Variants in ARHGAP6 observed in about 807,000 individuals in gnomAD.
ARHGAP6 encodes the protein rho GTPase-activating protein 6.
ARHGAP6 carries 16 observed loss-of-function variants against 55.7 expected under a neutral mutation model. That is an observed-to-expected ratio of 0.29 (90% CI 0.19 to 0.44). The LOEUF is 0.44. Among genes scored for constraint, ARHGAP6 ranks in the 20% least tolerant of loss-of-function variants. The probability of loss-of-function intolerance (pLI) is 1.00; values close to 1 mark genes in which losing one functional copy is unlikely to be tolerated. For missense variants in ARHGAP6, 698 were observed against 808.9 expected (o/e 0.86, Z 1.66); for synonymous variants, 382 against 360.9 (o/e 1.06, Z -0.66).
intron 1 of ARHGAP6, among the ~76,000 whole-genome samples, chrX:11,511,694 T>G (rs768471639): frequency 1.9e-4 from 21 of 111,808 alleles, no homozygotes; most frequent in East Asian, 5.6e-4. Context: ...CCTGGCTCAC[T>G]CTGCTGGTGG....
At chrX:11,395,323 A>G (rs1421304218) in intron 1 of ARHGAP6, among the ~76,000 whole-genome samples, 1 of 112,124 alleles carries the variant, frequency 8.9e-6, no homozygotes, top group Non-Finnish European at 1.9e-5. Context: ...AAATTTTTCT[A>G]TTACACCCTG....
intron 1 of ARHGAP6, among the ~76,000 whole-genome samples, chrX:11,446,607 G>A (rs61295215): frequency 0.12 from 13,571 of 110,721 alleles, 782 homozygotes; most frequent in Admixed American, 0.21. Context: ...CTACCAACGT[G>A]CACACATTTA....
At chrX:11,335,602 TTCTTTATCCAG>T (rs2048624851) in intron 1 of ARHGAP6, 1 of 215,356 alleles carries the variant, frequency 4.6e-6, no homozygotes, top group Admixed American at 5.2e-5. Context: ...GTGCCACATT[TTCTTTATCCAG>T]TCTATTATTG....
At chrX:11,387,809 T>G (rs2049349096) in intron 1 of ARHGAP6, among the ~76,000 whole-genome samples, 1 of 111,076 alleles carries the variant, frequency 9.0e-6, no homozygotes, top group Middle Eastern at 4.2e-3. Context: ...CGGTGTTTGG[T>G]TTTTTGTCCT....
At position 11,624,256 on chromosome X, in the gene ARHGAP6, G is replaced by A. The variant is rs184601214; in HGVS notation, c.588+39985C>T. Among the ~76,000 whole-genome samples the A allele has an allele frequency of 3.6e-5, 4 of 112,445 alleles. No individual in the cohort carries two copies. The Admixed American group carries it at 3.8e-4, about 11-fold the overall frequency. ...AATTAAAGACTTAAACCTATGACCC[G>A]AAAGTATGAAACTACTAGAAGAAAA... On this transcript the variant is annotated intron_variant, in intron 1 of 12. Transcript: ENST00000337414.
intron 1 of ARHGAP6, among the ~76,000 whole-genome samples, chrX:11,451,535 T>C (rs1304056203): frequency 8.9e-6 from 1 of 112,215 alleles, no homozygotes; most frequent in Non-Finnish European, 1.9e-5. Flanking sequence ...AGAGGGTTTA[T>C]ATGAAAGCGA....
At chrX:11,282,687 A>T (rs780968253) in intron 1 of ARHGAP6, among the ~76,000 whole-genome samples, 2 of 112,366 alleles carry the variant, frequency 1.8e-5, no homozygotes, top group South Asian at 7.5e-4. Flanking sequence ...GATATTTATA[A>T]AAGCTTCCCC....
At chrX:11,615,685 T>C (rs913068566) in intron 1 of ARHGAP6, among the ~76,000 whole-genome samples, 1 of 112,186 alleles carries the variant, frequency 8.9e-6, no homozygotes, top group Non-Finnish European at 1.9e-5. Context: ...TTAAATATTA[T>C]GAGAAAATAC....
At chrX:11,170,036 C>A (rs1163212362) in intron 8 of ARHGAP6, among the ~76,000 whole-genome samples, 1 of 111,807 alleles carries the variant, frequency 8.9e-6, no homozygotes, top group African/African-American at 3.3e-5. Context: ...CTTCATTCAT[C>A]AACCCATAAT....
At chrX:11,168,737 T>C (rs987727390) in intron 9 of ARHGAP6, among the ~76,000 whole-genome samples, 1 of 112,237 alleles carries the variant, frequency 8.9e-6, no homozygotes, top group East Asian at 2.8e-4. Context: ...AATTTTGACA[T>C]GCAATATTAG....
intron 2 of ARHGAP6, among the ~76,000 whole-genome samples, chrX:11,253,280 C>A (rs1174607184): frequency 9.0e-6 from 1 of 110,743 alleles, no homozygotes; most frequent in African/African-American, 3.3e-5. Context: ...GCTTGAGAAC[C>A]ACCTATTTGT....
At chrX:11,170,346 G>A (rs1318986448) in intron 8 of ARHGAP6, among the ~76,000 whole-genome samples, 1 of 111,814 alleles carries the variant, frequency 8.9e-6, no homozygotes, top group Non-Finnish European at 1.9e-5. Flanking sequence ...TTTTACAATG[G>A]AGAAAGCACC....
chrX:11,472,936 C>T (rs1043430262), intron 1 of ARHGAP6, among the ~76,000 whole-genome samples: 2 of 110,752 alleles, frequency 1.8e-5, no homozygotes, highest in African/African-American at 6.6e-5. Context: ...CCTGTTTGGG[C>T]TCAATCTCTA....
chrX:11,616,608 G>A (rs754743752), intron 1 of ARHGAP6, among the ~76,000 whole-genome samples: 2 of 111,935 alleles, frequency 1.8e-5, no homozygotes, highest in East Asian at 5.6e-4. Flanking sequence ...GATTACAGGT[G>A]TGAGCAACTC....
Position 11,277,077 on chromosome X carries a change from T to G in ARHGAP6, c.589-22370A>C, listed in dbSNP as rs375819150. 1.1e-4 allele frequency among the ~76,000 whole-genome samples: 12 copies of G among 111,249 alleles called. No homozygotes were observed. In the South Asian group the frequency reaches 4.6e-3, roughly 43 times the overall value. Reference sequence around the variant, plus strand: ...CCCTGGGAACCACTAATCTACTTTCTGTCTCTATGGTTTTGCATGTTTTTG... The same window carrying G: ...CCCTGGGAACCACTAATCTACTTTCGGTCTCTATGGTTTTGCATGTTTTTG... On this transcript the variant is annotated intron_variant, in intron 1 of 12. Coordinates refer to ENST00000337414, the MANE Select transcript of ARHGAP6 (RefSeq NM_013427.3).
chrX:11,238,966 C>A (rs1397734147), intron 2 of ARHGAP6, among the ~76,000 whole-genome samples: 1 of 111,768 alleles, frequency 8.9e-6, no homozygotes, highest in African/African-American at 3.3e-5. Flanking sequence ...AGAAAAGATG[C>A]CCAGTTAAAT....
chrX:11,587,969 C>A (rs942171886), intron 1 of ARHGAP6, among the ~76,000 whole-genome samples: 1 of 112,113 alleles, frequency 8.9e-6, no homozygotes, highest in East Asian at 2.8e-4. Context: ...AACCCCTCTG[C>A]GTTCTCCATG....
chrX:11,589,044 ATT>A (rs200264647), intron 1 of ARHGAP6, among the ~76,000 whole-genome samples: 6 of 96,550 alleles, frequency 6.2e-5, no homozygotes, highest in Admixed American at 4.6e-4. Context: ...CTGCATTGGA[ATT>A]TTTTTTTTTT....
intron 1 of ARHGAP6, among the ~76,000 whole-genome samples, chrX:11,472,617 C>T (rs375569414): frequency 8.9e-6 from 1 of 111,788 alleles, no homozygotes. Flanking sequence ...CATACAGCAA[C>T]TTAGGGTTTA....
Sources: allele counts gnomAD v4.1 joint callset (sites outside exome capture counted in the v4.1 genomes callset), GRCh38; gene constraint gnomAD v4.1.1; transcripts MANE v1.5; gene names NCBI Gene and HGNC (gene_info 2026-07-23, HGNC 2026-07-21).